Variants in TOM1L1 observed in about 807,000 individuals in gnomAD.
The protein encoded by TOM1L1 is TOM1-like protein 1.
TOM1L1 carries 64 observed loss-of-function variants against 63.4 expected under a neutral mutation model. The observed-to-expected ratio is 1.01, with a 90% confidence interval of 0.83 to 1.24. The LOEUF (loss-of-function observed/expected upper bound fraction) is 1.24. TOM1L1 is among the 50% of genes most tolerant of loss of function. The pLI is 0.00. For synonymous variants in TOM1L1, 166 were observed against 194.4 expected, an observed-to-expected ratio of 0.85 and a Z score of 1.22; for missense variants, 536 against 567.0, an observed-to-expected ratio of 0.95 and a Z score of 0.55.
At chr17:54,953,112 C>T (rs1598066366) in intron 14 of TOM1L1, 1 of 152,420 alleles carries the variant, frequency 6.6e-6, no homozygotes, top group Non-Finnish European at 1.5e-5. Context: ...GGAGCAGTGG[C>T]TCATGCCTGT....
chr17:54,939,611 A>G (rs775279823), intron 11 of TOM1L1, among the ~76,000 whole-genome samples: 4 of 152,154 alleles, frequency 2.6e-5, no homozygotes, highest in Non-Finnish European at 5.9e-5. Context: ...AGGCTGGAGT[A>G]CAGTAGCACC....
intron 8 of TOM1L1, among the ~76,000 whole-genome samples, chr17:54,935,440 A>G (rs199761429): frequency 3.9e-5 from 6 of 152,176 alleles, no homozygotes; most frequent in East Asian, 3.9e-4. Flanking sequence ...GGCCTGATTC[A>G]GTATAAACTC....
In TOM1L1 at chr17:54,907,015, A is replaced by C. The variant is rs528957409; in HGVS notation, c.222+1448A>C. On this transcript the variant is annotated intron_variant, in intron 3 of 15. Transcript: ENST00000575882. ...AGCATAGCTCCTGGTTTCTAGTTACATGAAGAAGAAAATGGACATCTTGCA... is the reference window on the plus strand; with the variant it reads ...AGCATAGCTCCTGGTTTCTAGTTACCTGAAGAAGAAAATGGACATCTTGCA... Among the ~76,000 whole-genome samples the C allele has an allele frequency of 4.9e-4, 74 of 152,368 alleles. 1 individual carries two copies. The highest frequency in any genetic ancestry group is 1.7e-3 in the African/African-American group (72 of 41,598).
At chr17:54,929,528 C>T (rs952117243) in intron 7 of TOM1L1, among the ~76,000 whole-genome samples, 3 of 152,074 alleles carry the variant, frequency 2.0e-5, no homozygotes, top group South Asian at 2.1e-4. Context: ...TTAAGTACAA[C>T]GTAACAGGAA....
At chr17:54,957,190 C>T (rs1038089287) in intron 14 of TOM1L1, 1 of 152,264 alleles carries the variant, frequency 6.6e-6, no homozygotes, top group African/African-American at 2.4e-5. Context: ...CTTTGGCTGA[C>T]ATGTGTAGAC....
rs115017008 is a variant in TOM1L1 at position 54,929,932 on chromosome 17, G to C, written c.721-141G>C. ...TGCCTTCCAATAGGAAGGATAAGCT[G>C]TTTATAGTTAAGTACTTTGGTAGTG... On this transcript the variant is annotated intron_variant, in intron 7 of 15. Coordinates refer to ENST00000575882, the MANE Select transcript of TOM1L1 (RefSeq NM_005486.3). The C allele has an allele frequency of 8.0e-4, 766 of 961,880 alleles. 7 individuals carry two copies. In the African/African-American group the frequency reaches 0.012, roughly 15 times the overall value. The allele number at this position is 961,880 out of a possible 1,614,324, so 59.6% of individuals were successfully genotyped here. A position where few individuals can be genotyped will look rare whatever the true frequency, so the allele number is the denominator to read the frequency against.
intron 1 of TOM1L1, chr17:54,901,273 T>G (rs1343753141): frequency 5.7e-6 from 2 of 349,734 alleles, no homozygotes; most frequent in African/African-American, 2.1e-5. Flanking sequence ...TAAAGGCACA[T>G]TCTCCAGGGC....
At position 54,951,481 on chromosome 17, in the gene TOM1L1, T is replaced by G. The variant is rs2049235560; in HGVS notation, c.1370+1355T>G. Among the ~76,000 whole-genome samples the G allele has an allele frequency of 2.0e-5, 3 of 152,090 alleles. No homozygotes were observed. The South Asian group carries it at 6.2e-4, about 32-fold the overall frequency. On this transcript the variant is annotated intron_variant, in intron 14 of 15. Transcript: ENST00000575882. ...ACCCACAGTGACAAAGGTGGGCGAT[T>G]AGAGTGGTGCCTTGGGGCAGGTGAA...
At chr17:54,932,431 G>T (rs575180398) in intron 8 of TOM1L1, among the ~76,000 whole-genome samples, 1 of 152,188 alleles carries the variant, frequency 6.6e-6, no homozygotes, top group South Asian at 2.1e-4. Flanking sequence ...GTGTGGCGCC[G>T]GGCTGTCTGC....
intron 3 of TOM1L1, among the ~76,000 whole-genome samples, chr17:54,907,745 T>A (rs2048435466): frequency 6.6e-6 from 1 of 152,088 alleles, no homozygotes; most frequent in South Asian, 2.1e-4. Flanking sequence ...GTGCCAAAGG[T>A]TAGGAGAATT....
At chr17:54,937,540 T>C in intron 10 of TOM1L1, 1 of 278,178 alleles carries the variant, frequency 3.6e-6, no homozygotes, top group Admixed American at 4.8e-5. Flanking sequence ...ACCTACACAC[T>C]ATTATCATTG....
In TOM1L1 at chr17:54,915,802, C is replaced by T. The variant is rs772254171; in HGVS notation, c.660C>T (p.Ser220=). 6.0e-5 allele frequency: 96 copies of T among 1,613,394 alleles called. No homozygotes were observed. The Middle Eastern group carries it at 1.3e-3, about 22-fold the overall frequency. The stretch of plus-strand genomic sequence containing the variant: ...TGAAAATGAATGTGCGAGTGATGTC[C>T]GCCATATTGATGGAGAATACTCCTG... ...DMVKMNVRVM[S]AILMENTPGS... Residue 220 remains serine (S), a synonymous_variant, in exon 7 of 16, where the codon TCC becomes TCT. Coordinates refer to ENST00000575882, the MANE Select transcript of TOM1L1 (RefSeq NM_005486.3).
intron 14 of TOM1L1, chr17:54,957,731 A>G (rs946485495): frequency 5.3e-5 from 8 of 152,148 alleles, no homozygotes; most frequent in Non-Finnish European, 4.4e-5. Flanking sequence ...CAGGTTGACA[A>G]TTTTTGCTCT....
At position 54,961,260 on chromosome 17, in the gene TOM1L1, C is replaced by T. The variant is rs762904804; in HGVS notation, c.*27C>T. 17 of 1,550,654 alleles carry T rather than the reference C, an allele frequency of 1.1e-5. No homozygotes were observed. The South Asian group carries it at 1.7e-4, about 15-fold the overall frequency. On this transcript the variant is annotated 3_prime_UTR_variant, in exon 16 of 16. Transcript: ENST00000575882. ...AAGAAAGTGGATGATCAGCTCACTACCACATCAAAGGTGCCAACTCTCTAA... is the reference window on the plus strand; with the variant it reads ...AAGAAAGTGGATGATCAGCTCACTATCACATCAAAGGTGCCAACTCTCTAA...
At chr17:54,955,825 T>A (rs1301183946) in intron 14 of TOM1L1, among the ~76,000 whole-genome samples, 1 of 152,204 alleles carries the variant, frequency 6.6e-6, no homozygotes, top group African/African-American at 2.4e-5. Flanking sequence ...GAGCTGCTGC[T>A]TCAAAGCAGC....
In TOM1L1 at chr17:54,913,136, G is replaced by A. The variant is rs376768119; in HGVS notation, c.372+321G>A. ...TAGTTCAAGGTTACTTGGAAAAAGA[G>A]CTACTGATGTTATTTTAGAATCTAT... On this transcript the variant is annotated intron_variant, in intron 4 of 15. Transcript: ENST00000575882. Among the ~76,000 whole-genome samples, 15 of 152,310 alleles carry A rather than the reference G, an allele frequency of 9.8e-5. 1 individual carries two copies. The East Asian group carries it at 2.5e-3, about 25-fold the overall frequency.
At chr17:54,935,658 C>G (rs546070846) in intron 8 of TOM1L1, among the ~76,000 whole-genome samples, 2 of 152,042 alleles carry the variant, frequency 1.3e-5, no homozygotes, top group African/African-American at 4.8e-5. Context: ...GAAGTCATAC[C>G]CTTAGTCATA....
At chr17:54,949,954 A>G (rs1346565772) in intron 13 of TOM1L1, 91 bp from the exon 14 acceptor site, 6 of 1,018,574 alleles carry the variant, frequency 5.9e-6, no homozygotes, top group Admixed American at 2.2e-5. Context: ...TTAGGATCTA[A>G]TATTTGAAGT....
intron 14 of TOM1L1, chr17:54,956,958 C>T (rs1850345081): frequency 6.6e-6 from 1 of 152,182 alleles, no homozygotes; most frequent in Admixed American, 6.5e-5. Context: ...GCTATAGCAT[C>T]TCCCAGGGTG....
Sources: allele counts gnomAD v4.1 joint callset (sites outside exome capture counted in the v4.1 genomes callset), GRCh38; gene constraint gnomAD v4.1.1; transcripts MANE v1.5; gene names NCBI Gene and HGNC (gene_info 2026-07-23, HGNC 2026-07-21).